GOLGA4: variants seen among roughly 807,000 people sequenced by gnomAD.
GOLGA4 encodes golgin A4.
In GOLGA4, 169 loss-of-function variants were observed where a neutral mutation model predicts 265.9. The observed-to-expected ratio is 0.64, with a 90% CI of 0.56 to 0.72. GOLGA4 has a LOEUF of 0.72. Ranked by LOEUF, GOLGA4 falls within the 30% of genes least tolerant of loss-of-function variation. The probability of loss-of-function intolerance (pLI) is 0.00; values close to 1 mark genes in which losing one functional copy is unlikely to be tolerated. For synonymous variants in GOLGA4, 923 were observed against 855.8 expected, an observed-to-expected ratio of 1.08 and a Z score of -1.37; for missense variants, 2,482 against 2,483.4, an observed-to-expected ratio of 1.00 and a Z score of 0.01.
intron 21 of GOLGA4, among the ~76,000 whole-genome samples, chr3:37,353,510 A>C (rs964037772): frequency 6.6e-6 from 1 of 151,972 alleles, no homozygotes; most frequent in African/African-American, 2.4e-5. Context: ...TGCCTTTGGA[A>C]TTTTCCAAGA....
rs540677517 is a variant in GOLGA4, at chr3:37,295,618, C to G, written c.682-469C>G. Among the ~76,000 whole-genome samples, 49 of 152,214 alleles carry G rather than the reference C, an allele frequency of 3.2e-4. 1 individual carries two copies. In the South Asian group the frequency reaches 5.8e-3, roughly 18 times the overall value. ...AAAAACCAGCTGTATTGGGAGTAAA[C>G]TTTTTATTTTGATTATTTTCCCCCA... On this transcript the variant is annotated intron_variant, in intron 6 of 23. Coordinates refer to ENST00000361924, the MANE Select transcript of GOLGA4 (RefSeq NM_002078.5).
chr3:37,296,489 G>C (rs866419949), intron 7 of GOLGA4, among the ~76,000 whole-genome samples: 1 of 152,168 alleles, frequency 6.6e-6, no homozygotes, highest in African/African-American at 2.4e-5. Flanking sequence ...AGTGTCCGTG[G>C]TCCTAATAGT....
At chr3:37,259,906 A>G (rs1351970757) in intron 2 of GOLGA4, among the ~76,000 whole-genome samples, 8 of 152,184 alleles carry the variant, frequency 5.3e-5, no homozygotes, top group African/African-American at 1.4e-4. Context: ...AAAACTATCT[A>G]TATAGACAAA....
chr3:37,268,077 T>C, intron 2 of GOLGA4, among the ~76,000 whole-genome samples: 1 of 140,606 alleles, frequency 7.1e-6, no homozygotes, highest in East Asian at 1.9e-4. Flanking sequence ...TTTACTGTTT[T>C]TATTTATTTA....
At chr3:37,287,054 T>C (rs1271354383) in intron 4 of GOLGA4, among the ~76,000 whole-genome samples, 1 of 152,104 alleles carries the variant, frequency 6.6e-6, no homozygotes, top group Non-Finnish European at 1.5e-5. Context: ...AAATAAAATA[T>C]AGTTGGCCAG....
chr3:37,346,808 C>T (rs2097058079), intron 20 of GOLGA4, among the ~76,000 whole-genome samples: 1 of 152,172 alleles, frequency 6.6e-6, no homozygotes, highest in African/African-American at 2.4e-5. Flanking sequence ...ACATCCTCAC[C>T]AGTGCTTTGT....
At position 37,325,689 on chromosome 3, in the gene GOLGA4, C is replaced by G. The variant is rs780786648; in HGVS notation, c.3803C>G (p.Thr1268Ser). 2.0e-5 allele frequency: 33 copies of G among 1,613,506 alleles called. No individual in the cohort carries two copies. The South Asian group carries it at 3.3e-4, about 16-fold the overall frequency. Reference sequence around the variant, plus strand: ...GTTAAGGAGGCACTGTTAATTAAAACTTGCACAGTTTCTGAATTAGAAGCA... The same window carrying G: ...GTTAAGGAGGCACTGTTAATTAAAAGTTGCACAGTTTCTGAATTAGAAGCA... ...TKVKEALLIKTCTVSELEAQL... is the reference protein window; with the variant it reads ...TKVKEALLIKSCTVSELEAQL... The change falls in exon 14 of 24, where the codon ACT becomes AGT. Residue 1268 changes from threonine to serine, a missense_variant. Physicochemically the swap from Thr to Ser is moderately conservative, Grantham distance 58. Transcript: ENST00000361924.
intron 10 of GOLGA4, chr3:37,313,339 G>A (rs896652155): frequency 2.0e-5 from 3 of 152,194 alleles, no homozygotes; most frequent in African/African-American, 4.8e-5. Flanking sequence ...CTTTAGAATA[G>A]ATGTTTGTCT....
At chr3:37,352,458 T>C (rs908021723) in intron 21 of GOLGA4, among the ~76,000 whole-genome samples, 1 of 151,934 alleles carries the variant, frequency 6.6e-6, no homozygotes, top group African/African-American at 2.4e-5. Context: ...ATTGGGTCCT[T>C]CCCACAACAC....
At chr3:37,330,924 A>C (rs1192317933) in intron 16 of GOLGA4, among the ~76,000 whole-genome samples, 1 of 151,376 alleles carries the variant, frequency 6.6e-6, no homozygotes, top group Non-Finnish European at 1.5e-5. Context: ...AGCTACTCAG[A>C]GGAGGATGAG....
intron 17 of GOLGA4, among the ~76,000 whole-genome samples, chr3:37,335,859 A>C (rs1017765829): frequency 6.6e-6 from 1 of 151,802 alleles, no homozygotes; most frequent in African/African-American, 2.4e-5. Flanking sequence ...CCTCAGCAGC[A>C]CACACCCACA....
At position 37,325,465 on chromosome 3, in the gene GOLGA4, A is replaced by T. The variant is rs141358275; in HGVS notation, c.3579A>T (p.Glu1193Asp). The change falls in exon 14 of 24, where the codon GAA (glutamate) becomes GAT (aspartate). Residue 1193 changes from glutamate (E) to aspartate (D), a missense_variant. By Grantham distance (45) the Glu-to-Asp change is conservative. Transcript: ENST00000361924. ...EEFQSLKSSHEKSNKSLEDKS... is the reference protein window; with the variant it reads ...EEFQSLKSSHDKSNKSLEDKS... ...TCCAGAGTTTGAAATCTTCACATGA[A>T]AAAAGTAACAAAAGCCTAGAGGACA... is the stretch of plus-strand genomic sequence containing the variant. 184 of 1,611,978 alleles carry T rather than the reference A, an allele frequency of 1.1e-4. No individual in the cohort carries two copies. The East Asian group carries it at 2.5e-3, about 22-fold the overall frequency.
intron 10 of GOLGA4, among the ~76,000 whole-genome samples, chr3:37,302,596 A>G (rs543386171): frequency 6.6e-6 from 1 of 152,394 alleles, no homozygotes; most frequent in Admixed American, 6.5e-5. Flanking sequence ...AAAGAAAAAT[A>G]TATGACAGAG....
At chr3:37,283,583 A>G (rs1054785256) in intron 3 of GOLGA4, among the ~76,000 whole-genome samples, 1 of 152,130 alleles carries the variant, frequency 6.6e-6, no homozygotes, top group African/African-American at 2.4e-5. Flanking sequence ...CAGTGGCTCA[A>G]ACATGGCTCA....
At chr3:37,288,774 G>T (rs1047712818) in intron 4 of GOLGA4, among the ~76,000 whole-genome samples, 1 of 152,092 alleles carries the variant, frequency 6.6e-6, no homozygotes, top group African/African-American at 2.4e-5. Flanking sequence ...CACTGCGCCC[G>T]GCTGGTTTTG....
intron 18 of GOLGA4, 72 bp from the exon 19 acceptor site, chr3:37,337,594 A>G: frequency 2.1e-6 from 2 of 972,990 alleles, no homozygotes; most frequent in South Asian, 2.6e-5. Flanking sequence ...AAAATTTCCA[A>G]GCAGTGCAGA....
chr3:37,345,335 A>G (rs1311708917), intron 20 of GOLGA4, among the ~76,000 whole-genome samples: 1 of 152,240 alleles, frequency 6.6e-6, no homozygotes, highest in African/African-American at 2.4e-5. Flanking sequence ...GGCATTATGC[A>G]TTATTTGAGG....
intron 5 of GOLGA4, among the ~76,000 whole-genome samples, chr3:37,292,984 A>G (rs1049564918): frequency 6.6e-5 from 10 of 152,244 alleles, no homozygotes; most frequent in African/African-American, 9.6e-5. Context: ...AGTGTACCAG[A>G]TAGTGCCTCA....
intron 3 of GOLGA4, among the ~76,000 whole-genome samples, chr3:37,285,689 T>C (rs2150786860): frequency 6.6e-6 from 1 of 152,410 alleles, no homozygotes; most frequent in East Asian, 1.9e-4. Context: ...ATGCTGTTGC[T>C]GATTTAGTCT....
Sources: allele counts gnomAD v4.1 joint callset (sites outside exome capture counted in the v4.1 genomes callset), GRCh38; gene constraint gnomAD v4.1.1; transcripts MANE v1.5; gene names NCBI Gene and HGNC (gene_info 2026-07-23, HGNC 2026-07-21).